The following ZFC3H1 variants were observed in gnomAD, a reference collection of about 807,000 sequenced individuals.
The protein encoded by ZFC3H1 is zinc finger C3H1 domain-containing protein.
A neutral mutation model predicts 243.7 loss-of-function variants in ZFC3H1; 71 were observed. The observed-to-expected ratio is 0.29, with a 90% CI of 0.24 to 0.36. The LOEUF is 0.36. Among genes scored for constraint, ZFC3H1 ranks in the 10% least tolerant of loss-of-function variants. The pLI is 1.00. For synonymous variants in ZFC3H1, 838 were observed against 813.0 expected, an observed-to-expected ratio of 1.03 and a Z score of -0.52; for missense variants, 1,966 against 2,317.1, an observed-to-expected ratio of 0.85 and a Z score of 3.11.
rs757446967 is a variant in ZFC3H1 at position 71,619,346 on chromosome 12, A to G, written c.5113T>C (p.Phe1705Leu). 6.2e-7 allele frequency: 1 copy of G among 1,613,678 alleles called. No individual in the cohort carries two copies. The highest frequency in any genetic ancestry group is 1.7e-5 in the Admixed American group (1 of 59,992). Residue 1705 changes from phenylalanine to leucine, a missense_variant, in exon 27 of 35, where the codon TTT becomes CTT. This residue lies in a region of ZFC3H1 where 1,383 missense variants were observed against 1,723.7 expected (regional missense o/e 0.80). Transcript: ENST00000378743. ...KFIASFFKPG[F>L]EKYNNLDLFR... ...AGATCCAAGTTATTATACTTCTCAA[A>G]CCCCGGTTTAAAGAAGGATGCAATA...
intron 31 of ZFC3H1, among the ~76,000 whole-genome samples, chr12:71,612,150 C>T (rs17109967): frequency 0.018 from 2,774 of 152,052 alleles, 72 homozygotes; most frequent in African/African-American, 0.063. Context: ...AAAGCATTCC[C>T]GCCAAATAAC....
At position 71,624,085 on chromosome 12, in the gene ZFC3H1, T is replaced by A; in HGVS notation, c.4506+19A>T. ...ACTTTTTCTGCAAAATGCAATTAAA[T>A]GCTGTACCAAGTGCTTACCTGTAAA... On this transcript the variant is annotated intron_variant, in intron 23 of 34. Coordinates refer to ENST00000378743, the MANE Select transcript of ZFC3H1 (RefSeq NM_144982.5). The A allele has an allele frequency of 6.3e-7, 1 of 1,597,466 alleles. No homozygotes were observed. Among genetic ancestry groups the A allele is most frequent in the Non-Finnish European group, 8.5e-7 (1 of 1,173,370 alleles).
Position 71,611,101 on chromosome 12 carries a change from AGAG to A in ZFC3H1, c.5730-7_5730-5del. 2 of 1,487,192 alleles carry A rather than the reference AGAG, an allele frequency of 1.3e-6. No individual in the cohort carries two copies. 92.1% of individuals were successfully genotyped at this position (1,487,192 alleles called of 1,614,324 possible). The stretch of plus-strand genomic sequence containing the variant: ...AACAATCTCAGCAGCAATGGCTCTA[AGAG>A]AAAAAAAAAAAAAAAGAAATATAGA... On this transcript the variant is annotated splice_polypyrimidine_tract_variant and splice_region_variant and intron_variant, in intron 32 of 34. Coordinates refer to ENST00000378743, the MANE Select transcript of ZFC3H1 (RefSeq NM_144982.5).
Position 71,656,417 on chromosome 12 carries a change from T to C in ZFC3H1, c.1015+468A>G, listed in dbSNP as rs549831507. 1.1e-5 allele frequency: 6 copies of C among 566,178 alleles called. No individual in the cohort carries two copies. In the South Asian group the frequency reaches 1.5e-4, roughly 14 times the overall value. The allele number at this position is 566,178 out of a possible 1,614,324, so 35.1% of individuals were successfully genotyped here. On this transcript the variant is annotated intron_variant, in intron 2 of 34. Transcript: ENST00000378743. ...GGTTTAATACTAGAAATAAATTATA[T>C]AATTCATTACACTAACAAATTAAAA...
chr12:71,624,409 G>A (rs772678210), intron 22 of ZFC3H1, 117 bp from the exon 23 acceptor site: 66 of 1,087,484 alleles, frequency 6.1e-5, no homozygotes, highest in Non-Finnish European at 8.1e-5. Context: ...TCTGCAAAAA[G>A]GATTACTGTA....
chr12:71,632,666 A>C (rs949683305), intron 14 of ZFC3H1, 152 bp from the exon 15 acceptor site: 44 of 1,248,454 alleles, frequency 3.5e-5, no homozygotes, highest in Non-Finnish European at 4.6e-5. Flanking sequence ...TAAGTAGCCA[A>C]AAGTTTTGCT....
chr12:71,659,633 T>C (rs930737123), intron 1 of ZFC3H1, among the ~76,000 whole-genome samples: 3 of 151,586 alleles, frequency 2.0e-5, no homozygotes, highest in South Asian at 4.1e-4. Flanking sequence ...AAATGCTAAA[T>C]AGAAAAATAA....
At chr12:71,643,337 T>C (rs924206426) in intron 5 of ZFC3H1, among the ~76,000 whole-genome samples, 1 of 151,324 alleles carries the variant, frequency 6.6e-6, no homozygotes, top group African/African-American at 2.4e-5. Context: ...TGTTTGAACC[T>C]GGGAGGTGGA....
intron 12 of ZFC3H1, 53 bp from the exon 13 acceptor site, chr12:71,633,491 G>A: frequency 7.1e-7 from 1 of 1,416,522 alleles, no homozygotes; most frequent in Non-Finnish European, 9.4e-7. Flanking sequence ...AGAGCAGACT[G>A]TCAGAATAAA....
intron 26 of ZFC3H1, among the ~76,000 whole-genome samples, 183 bp downstream of exon 26, chr12:71,619,743 T>C (rs1437113132): frequency 6.6e-6 from 1 of 152,074 alleles, no homozygotes; most frequent in Non-Finnish European, 1.5e-5. Context: ...TTTAGTATAG[T>C]ATATATTAAA....
Position 71,613,366 on chromosome 12 carries a change from C to A in ZFC3H1, c.5596G>T (p.Val1866Phe). 1 of 1,610,458 alleles carries A rather than the reference C, an allele frequency of 6.2e-7. No homozygotes were observed. Among genetic ancestry groups the A allele is most frequent in the Non-Finnish European group, 8.5e-7 (1 of 1,177,850 alleles). The change falls in exon 31 of 35, where the codon GTT becomes TTT. Residue 1866 changes from valine (V) to phenylalanine (F), a missense_variant. By Grantham distance (50) the Val-to-Phe change is conservative. Coordinates refer to ENST00000378743, the MANE Select transcript of ZFC3H1 (RefSeq NM_144982.5). ...HSKTLERFCSVMPANSGLALR... is the reference protein window; with the variant it reads ...HSKTLERFCSFMPANSGLALR... ...GCAAGTCCAGAATTAGCTGGCATAACTGAACAAAACCGTTCCAAGGTTTTG... is the reference window on the plus strand; with the variant it reads ...GCAAGTCCAGAATTAGCTGGCATAAATGAACAAAACCGTTCCAAGGTTTTG...
In ZFC3H1 at chr12:71,645,024, C is replaced by A. The variant is rs941649009; in HGVS notation, c.1132G>T (p.Ala378Ser). Residue 378 changes from alanine to serine, a missense_variant, in exon 4 of 35, where the codon GCT becomes TCT. By Grantham distance (99) the Ala-to-Ser change is moderately conservative. This residue lies in a region of ZFC3H1 where 91 missense variants were observed against 107.6 expected (regional missense o/e 0.85). Transcript: ENST00000378743. ...ELSELQLRLL[A>S]LQSASKKWQQ... Reference sequence around the variant, plus strand: ...CATTTTTTACTGGCTGACTGAAGAGCCAAAAGGCGAAGCTGTAATTCAGAT... The same window carrying A: ...CATTTTTTACTGGCTGACTGAAGAGACAAAAGGCGAAGCTGTAATTCAGAT... 6.2e-7 allele frequency: 1 copy of A among 1,613,760 alleles called. No homozygotes were observed. Among genetic ancestry groups the A allele is most frequent in the South Asian group, 1.1e-5 (1 of 91,054 alleles).
intron 18 of ZFC3H1, among the ~76,000 whole-genome samples, chr12:71,630,072 A>G (rs984698170): frequency 6.6e-6 from 1 of 152,192 alleles, no homozygotes; most frequent in Non-Finnish European, 1.5e-5. Context: ...AAAGATTTGT[A>G]GCTTGAGGTT....
At chr12:71,625,829 G>T (rs1263845843) in intron 22 of ZFC3H1, among the ~76,000 whole-genome samples, 3 of 152,138 alleles carry the variant, frequency 2.0e-5, no homozygotes, top group African/African-American at 7.2e-5. Context: ...ATAAGCAATG[G>T]AAACAAATAA....
At chr12:71,651,788 AAT>A (rs1483476317) in intron 2 of ZFC3H1, among the ~76,000 whole-genome samples, 1 of 152,190 alleles carries the variant, frequency 6.6e-6, no homozygotes, top group Non-Finnish European at 1.5e-5. Flanking sequence ...GGAAAAGTCA[AAT>A]ATATTAAGAA....
At chr12:71,623,695 G>C in intron 23 of ZFC3H1, 98 bp from the exon 24 acceptor site, 1 of 842,210 alleles carries the variant, frequency 1.2e-6, no homozygotes, top group Non-Finnish European at 1.8e-6. Context: ...ATAATAAAAA[G>C]GTCACATTTA....
chr12:71,628,779 A>G, intron 20 of ZFC3H1, 139 bp downstream of exon 20: 1 of 813,526 alleles, frequency 1.2e-6, no homozygotes, highest in Non-Finnish European at 1.8e-6. Context: ...GTATTGTCTA[A>G]AAACCCAATG....
At position 71,610,899 on chromosome 12, in the gene ZFC3H1, G is replaced by A. The variant is rs1380127784; in HGVS notation, c.5770-142C>T. ...TGAGTTTTGGAGTTTCCGAATATTT[G>A]GTACTCTTAAAATGTTAACTACTTT... is the stretch of plus-strand genomic sequence containing the variant. On this transcript the variant is annotated intron_variant, in intron 33 of 34. Coordinates refer to ENST00000378743, the MANE Select transcript of ZFC3H1 (RefSeq NM_144982.5). 2.9e-6 allele frequency: 4 copies of A among 1,402,460 alleles called. No individual in the cohort carries two copies. In the East Asian group the frequency reaches 6.9e-5, roughly 24 times the overall value. The allele number at this position is 1,402,460 out of a possible 1,614,324, so 86.9% of individuals were successfully genotyped here.
chr12:71,637,613 T>G (rs1430479372), intron 7 of ZFC3H1, among the ~76,000 whole-genome samples: 1 of 152,210 alleles, frequency 6.6e-6, no homozygotes, highest in Non-Finnish European at 1.5e-5. Context: ...TGGATATGTA[T>G]TTGCATCAAA....
Sources: gnomAD v4.1 joint callset for allele counts (sites outside exome capture counted in the v4.1 genomes callset) on GRCh38, gnomAD v4.1.1 for gene constraint, gnomAD v4.1.1 regional missense constraint, MANE v1.5 for transcripts, NCBI Gene and HGNC (gene_info 2026-07-23, HGNC 2026-07-21) for gene names.